PUS10: variants seen among roughly 807,000 people sequenced by gnomAD.
PUS10 encodes pseudouridine synthase 10.
Under a neutral mutation model 75.0 loss-of-function variants are expected in PUS10, and 59 were observed. That is an observed-to-expected ratio of 0.79 (90% confidence interval 0.64 to 0.98). PUS10 has a LOEUF of 0.98. Among genes scored for constraint, PUS10 ranks in the 50% least tolerant of loss-of-function variants. PUS10 has a pLI of 0.00. For synonymous variants in PUS10, 219 were observed against 211.6 expected, an observed-to-expected ratio of 1.03 and a Z score of -0.30; for missense variants, 650 against 614.4, an observed-to-expected ratio of 1.06 and a Z score of -0.61.
intron 2 of PUS10, among the ~76,000 whole-genome samples, chr2:61,011,502 A>G (rs1679594715): frequency 6.6e-6 from 1 of 152,240 alleles, no homozygotes; most frequent in African/African-American, 2.4e-5. Context: ...GGAAACATCT[A>G]TACAAGTGTT....
intron 1 of PUS10, among the ~76,000 whole-genome samples, chr2:61,014,869 C>T (rs975193167): frequency 2.6e-5 from 4 of 152,164 alleles, no homozygotes; most frequent in Non-Finnish European, 1.5e-5. Flanking sequence ...TACTTACTTG[C>T]AAGTTGCTAA....
chr2:61,014,327 C>T (rs937209283), intron 1 of PUS10, among the ~76,000 whole-genome samples: 10 of 151,456 alleles, frequency 6.6e-5, no homozygotes, highest in Admixed American at 5.3e-4. Context: ...TGCAGTGAGC[C>T]GAGATCATGC....
intron 4 of PUS10, among the ~76,000 whole-genome samples, chr2:60,995,186 T>C (rs1418872715): frequency 1.3e-5 from 2 of 152,216 alleles, no homozygotes; most frequent in Admixed American, 6.5e-5. Flanking sequence ...AATTTCATCA[T>C]CTGTAAAATG....
At chr2:61,007,349 C>A (rs1322230564) in intron 3 of PUS10, among the ~76,000 whole-genome samples, 1 of 152,082 alleles carries the variant, frequency 6.6e-6, no homozygotes, top group Non-Finnish European at 1.5e-5. Context: ...GTAGTCCCAG[C>A]TACTTGGGAG....
intron 4 of PUS10, among the ~76,000 whole-genome samples, chr2:60,975,705 T>C (rs1443052036): frequency 2.0e-5 from 3 of 151,110 alleles, no homozygotes; most frequent in Non-Finnish European, 3.0e-5. Context: ...CTCCTAAAAC[T>C]GAAACCTTGT....
At chr2:60,944,344 C>A in intron 17 of PUS10, 1 of 389,220 alleles carries the variant, frequency 2.6e-6, no homozygotes, top group Non-Finnish European at 3.5e-6. Context: ...TCACATTGGG[C>A]AACTATGCCC....
chr2:60,971,308 C>A (rs1446920215), intron 5 of PUS10, among the ~76,000 whole-genome samples: 1 of 151,762 alleles, frequency 6.6e-6, no homozygotes, highest in Non-Finnish European at 1.5e-5. Flanking sequence ...AAAAAATGAA[C>A]CTGCTTTAAT....
intron 4 of PUS10, among the ~76,000 whole-genome samples, chr2:60,973,810 G>T (rs986375402): frequency 6.6e-6 from 1 of 152,194 alleles, no homozygotes; most frequent in African/African-American, 2.4e-5. Context: ...GCCCACCCAT[G>T]GCTGCCCATG....
chr2:61,008,095 T>A (rs1396173154), intron 3 of PUS10, among the ~76,000 whole-genome samples: 4 of 150,584 alleles, frequency 2.7e-5, no homozygotes, highest in African/African-American at 4.9e-5. Flanking sequence ...AAAAAAAGAA[T>A]TCTTGGCCTT....
At chr2:61,009,490 G>A (rs1477689652) in intron 2 of PUS10, among the ~76,000 whole-genome samples, 1 of 152,054 alleles carries the variant, frequency 6.6e-6, no homozygotes, top group Non-Finnish European at 1.5e-5. Context: ...TGATCATTAG[G>A]GTAGTCTAAT....
chr2:60,959,102 T>C (rs1011136356), intron 11 of PUS10, among the ~76,000 whole-genome samples: 1 of 152,190 alleles, frequency 6.6e-6, no homozygotes, highest in Non-Finnish European at 1.5e-5. Context: ...AATACCTAAA[T>C]TCAAAAACAT....
intron 2 of PUS10, chr2:61,010,112 C>T (rs1023549044): frequency 2.0e-5 from 3 of 151,930 alleles, no homozygotes; most frequent in Non-Finnish European, 2.9e-5. Context: ...ATGAAACAAA[C>T]GAAAGTTGAT....
At chr2:61,011,736 G>GAAA (rs370406865) in intron 2 of PUS10, 29 bp downstream of exon 2, 181 of 1,153,868 alleles carry the variant, frequency 1.6e-4, no homozygotes, top group South Asian at 4.6e-4. Context: ...CTCTTAATTT[G>GAAA]AAAAAAAAAA....
intron 11 of PUS10, among the ~76,000 whole-genome samples, chr2:60,957,235 G>A (rs1283345042): frequency 2.6e-5 from 4 of 152,166 alleles, no homozygotes; most frequent in African/African-American, 9.6e-5. Flanking sequence ...CTAAGAAACA[G>A]TATCAAGGGC....
intron 1 of PUS10, chr2:61,017,720 A>T (rs1254257951): frequency 6.6e-7 from 1 of 1,507,566 alleles, no homozygotes; most frequent in Non-Finnish European, 9.0e-7. Flanking sequence ...GGGCCTGGAC[A>T]GTCAGGGGTA....
chr2:60,988,057 C>A (rs980486966), intron 4 of PUS10, among the ~76,000 whole-genome samples: 8 of 151,928 alleles, frequency 5.3e-5, no homozygotes, highest in African/African-American at 1.7e-4. Context: ...CCACTGCACT[C>A]CAGCCTGGGT....
intron 14 of PUS10, 46 bp from the exon 15 acceptor site, chr2:60,953,160 C>CA (rs753678972): frequency 2.0e-5 from 21 of 1,047,190 alleles, no homozygotes; most frequent in Admixed American, 1.7e-4. Context: ...AAACAAAATA[C>CA]AAAAAAACCT....
intron 4 of PUS10, among the ~76,000 whole-genome samples, chr2:60,985,144 G>A (rs2104519473): frequency 6.6e-6 from 1 of 152,186 alleles, no homozygotes; most frequent in South Asian, 2.1e-4. Flanking sequence ...CAGTAAGTTT[G>A]CTAAAATGAA....
At chr2:61,003,003 T>C (rs1678952208) in intron 4 of PUS10, among the ~76,000 whole-genome samples, 1 of 152,200 alleles carries the variant, frequency 6.6e-6, no homozygotes, top group Admixed American at 6.5e-5. Flanking sequence ...CTGTTCTGAT[T>C]GATTAGCTAG....
Sources: allele counts gnomAD v4.1 joint callset (sites outside exome capture counted in the v4.1 genomes callset), GRCh38; gene constraint gnomAD v4.1.1; transcripts MANE v1.5; gene names NCBI Gene and HGNC (gene_info 2026-07-23, HGNC 2026-07-21).